Variants in METTL25 observed in about 807,000 individuals in gnomAD.
METTL25 encodes methyltransferase like 25, also known as probable methyltransferase-like protein 25.
In METTL25, 64 loss-of-function variants were observed where a neutral mutation model predicts 71.6. That is an observed-to-expected ratio of 0.89 (90% CI 0.73 to 1.10). The LOEUF is 1.10. Ranked by LOEUF, METTL25 falls within the 50% of genes least tolerant of loss-of-function variation. METTL25 has a pLI of 0.00. For missense variants in METTL25, 807 were observed against 707.0 expected (o/e 1.14, Z -1.60); for synonymous variants, 287 against 250.3 (o/e 1.15, Z -1.38).
intron 5 of METTL25, among the ~76,000 whole-genome samples, chr12:82,403,881 G>T (rs1886853615): frequency 6.6e-6 from 1 of 152,100 alleles, no homozygotes; most frequent in African/African-American, 2.4e-5. Context: ...TTAGTTTAAT[G>T]ATATCTTTAT....
intron 1 of METTL25, among the ~76,000 whole-genome samples, chr12:82,384,138 A>G (rs1337120321): frequency 6.6e-6 from 1 of 152,234 alleles, no homozygotes; most frequent in Non-Finnish European, 1.5e-5. Context: ...TATAATATGC[A>G]GGTGCGATAG....
intron 1 of METTL25, among the ~76,000 whole-genome samples, chr12:82,359,416 C>G (rs1410663073): frequency 6.6e-6 from 1 of 152,094 alleles, no homozygotes; most frequent in Admixed American, 6.5e-5. Flanking sequence ...CCAGATGGCA[C>G]AGGCCTTTCT....
chr12:82,465,012 T>G (rs1206833174), intron 9 of METTL25, among the ~76,000 whole-genome samples: 1 of 151,886 alleles, frequency 6.6e-6, no homozygotes, highest in East Asian at 1.9e-4. Context: ...GGTAGAATCT[T>G]TAGGTTTTTC....
chr12:82,399,920 A>G (rs935997700), intron 4 of METTL25, among the ~76,000 whole-genome samples: 1 of 150,088 alleles, frequency 6.7e-6, no homozygotes, highest in East Asian at 2.0e-4. Flanking sequence ...AGGAGATTCT[A>G]GAGATCGTTT....
intron 5 of METTL25, among the ~76,000 whole-genome samples, chr12:82,428,470 C>A (rs575742191): frequency 6.6e-6 from 1 of 151,942 alleles, no homozygotes; most frequent in East Asian, 1.9e-4. Context: ...CTTATTGTAA[C>A]CCTTTCATTT....
chr12:82,413,305 C>T (rs899670903), intron 5 of METTL25, among the ~76,000 whole-genome samples: 1 of 152,012 alleles, frequency 6.6e-6, no homozygotes, highest in Non-Finnish European at 1.5e-5. Flanking sequence ...AGGAGACACT[C>T]AGCAAACTAA....
intron 5 of METTL25, among the ~76,000 whole-genome samples, chr12:82,410,261 A>G (rs1887450688): frequency 3.3e-5 from 5 of 152,170 alleles, no homozygotes. Flanking sequence ...TAAATCATGT[A>G]TTATATCATA....
chr12:82,368,891 A>G (rs1882880479), intron 1 of METTL25, among the ~76,000 whole-genome samples: 1 of 152,220 alleles, frequency 6.6e-6, no homozygotes, highest in Non-Finnish European at 1.5e-5. Context: ...AACTTTGATT[A>G]TGAAGATGGG....
intron 5 of METTL25, among the ~76,000 whole-genome samples, chr12:82,423,790 C>G (rs987562363): frequency 1.3e-5 from 2 of 152,192 alleles, no homozygotes; most frequent in African/African-American, 2.4e-5. Context: ...AAAAAATGCT[C>G]ATCATCACTG....
At chr12:82,447,880 T>A (rs905431522) in intron 8 of METTL25, among the ~76,000 whole-genome samples, 1 of 152,018 alleles carries the variant, frequency 6.6e-6, no homozygotes, top group Admixed American at 6.6e-5. Context: ...CATATTATAC[T>A]CCAATATCTA....
intron 3 of METTL25, among the ~76,000 whole-genome samples, chr12:82,390,905 C>T (rs1885515119): frequency 6.6e-6 from 1 of 152,070 alleles, no homozygotes; most frequent in Admixed American, 6.6e-5. Context: ...AAATATCTTT[C>T]AGGTGGCAGC....
intron 1 of METTL25, among the ~76,000 whole-genome samples, chr12:82,385,761 A>G (rs1445941632): frequency 5.3e-5 from 8 of 152,178 alleles, no homozygotes; most frequent in Admixed American, 5.2e-4. Flanking sequence ...ATTTTAATAT[A>G]TGCTTTGTGT....
intron 5 of METTL25, among the ~76,000 whole-genome samples, chr12:82,414,674 G>A (rs575014224): frequency 2.0e-5 from 3 of 152,004 alleles, no homozygotes; most frequent in Non-Finnish European, 4.4e-5. Context: ...TAATATGAAA[G>A]CAAAGTTGAC....
chr12:82,476,983 T>C (rs1892914035), intron 10 of METTL25, among the ~76,000 whole-genome samples: 1 of 151,846 alleles, frequency 6.6e-6, no homozygotes, highest in African/African-American at 2.4e-5. Flanking sequence ...AATGCAGTTA[T>C]TTCACAAGCA....
intron 1 of METTL25, among the ~76,000 whole-genome samples, chr12:82,377,226 G>A (rs1032952811): frequency 7.2e-5 from 11 of 152,056 alleles, no homozygotes; most frequent in Non-Finnish European, 1.5e-5. Context: ...AGTCAAAAAA[G>A]TAAATATCAC....
chr12:82,374,669 A>G (rs75042114), intron 1 of METTL25, among the ~76,000 whole-genome samples: 1,543 of 152,358 alleles, frequency 0.01, 17 homozygotes, highest in African/African-American at 0.036. Flanking sequence ...ATATGGTTAC[A>G]TAGAGAGTAT....
At chr12:82,416,629 T>C (rs1888010649) in intron 5 of METTL25, among the ~76,000 whole-genome samples, 2 of 151,736 alleles carry the variant, frequency 1.3e-5, no homozygotes, top group Admixed American at 1.3e-4. Flanking sequence ...TTGTTTTGTT[T>C]TGTTTTGTTT....
intron 8 of METTL25, among the ~76,000 whole-genome samples, chr12:82,439,658 C>G (rs780685231): frequency 2.0e-5 from 3 of 151,712 alleles, no homozygotes; most frequent in Non-Finnish European, 4.4e-5. Context: ...AGATAACTCC[C>G]AAATCTGTAT....
chr12:82,398,045 T>C (rs1886235461), intron 3 of METTL25, among the ~76,000 whole-genome samples: 1 of 152,070 alleles, frequency 6.6e-6, no homozygotes, highest in African/African-American at 2.4e-5. Flanking sequence ...TGTGTTGAAA[T>C]GTGAAGAAAG....
Sources: gnomAD v4.1 joint callset for allele counts (sites outside exome capture counted in the v4.1 genomes callset) on GRCh38, gnomAD v4.1.1 for gene constraint, MANE v1.5 for transcripts, NCBI Gene and HGNC (gene_info 2026-07-23, HGNC 2026-07-21) for gene names.